Variants in RNLS observed in about 807,000 individuals in gnomAD.
RNLS encodes the protein renalase, FAD dependent amine oxidase.
Under a neutral mutation model 39.8 loss-of-function variants are expected in RNLS, and 39 were observed. The ratio of observed to expected loss-of-function variants is 0.98; its 90% CI spans 0.76 to 1.28. The LOEUF (loss-of-function observed/expected upper bound fraction) is 1.28, where lower values mean the gene tolerates loss of function less well. RNLS is among the 50% of genes most tolerant of loss of function. The pLI is 0.00. For synonymous variants in RNLS, 147 were observed against 150.7 expected, an observed-to-expected ratio of 0.98 and a Z score of 0.18; for missense variants, 410 against 413.3, an observed-to-expected ratio of 0.99 and a Z score of 0.07.
chr10:88,491,375 A>G (rs1038319401), intron 4 of RNLS, among the ~76,000 whole-genome samples: 1 of 152,148 alleles, frequency 6.6e-6, no homozygotes, highest in Admixed American at 6.6e-5. Flanking sequence ...GACCTGGTTC[A>G]TTGCCCGTAG....
the RNLS span, among the ~76,000 whole-genome samples, chr10:88,210,718 A>C: frequency 6.6e-6 from 1 of 152,258 alleles, no homozygotes; most frequent in Admixed American, 6.5e-5. Context: ...CTCGAATTCC[A>C]GTGGAGTTGA....
At chr10:88,221,361 A>G in the RNLS span, among the ~76,000 whole-genome samples, 1 of 152,202 alleles carries the variant, frequency 6.6e-6, no homozygotes, top group African/African-American at 2.4e-5. Flanking sequence ...TCCTTTTGAA[A>G]ATGAATGTAG....
the RNLS span, among the ~76,000 whole-genome samples, chr10:88,265,323 C>CTTTTTTTTTTTTT: frequency 3.4e-5 from 2 of 59,064 alleles, no homozygotes; most frequent in Non-Finnish European, 6.3e-5. Flanking sequence ...CAGGGTTTTT[C>CTTTTTTTTTTTTT]TTTTTTTTTT....
chr10:88,434,764 A>G (rs1855362180), intron 4 of RNLS, among the ~76,000 whole-genome samples: 1 of 152,180 alleles, frequency 6.6e-6, no homozygotes, highest in Non-Finnish European at 1.5e-5. Flanking sequence ...ATTCTTGGGT[A>G]CATTCTTTAA....
At chr10:88,341,077 A>AAAC (rs1299645933) in intron 5 of RNLS, among the ~76,000 whole-genome samples, 1 of 148,630 alleles carries the variant, frequency 6.7e-6, no homozygotes, top group Admixed American at 6.7e-5. Flanking sequence ...AAAAACAAAA[A>AAAC]ACAGCAATTT....
At chr10:88,393,052 A>G (rs571654253) in intron 4 of RNLS, among the ~76,000 whole-genome samples, 10 of 152,342 alleles carry the variant, frequency 6.6e-5, no homozygotes, top group African/African-American at 2.4e-4. Context: ...CAAAATAATA[A>G]GAGCTATTTA....
At chr10:88,207,647 G>A in the RNLS span, among the ~76,000 whole-genome samples, 1 of 152,126 alleles carries the variant, frequency 6.6e-6, no homozygotes, top group Non-Finnish European at 1.5e-5. Flanking sequence ...AAATCACAGG[G>A]CTCAAAAATT....
the RNLS span, among the ~76,000 whole-genome samples, chr10:88,189,794 A>G: frequency 6.6e-6 from 1 of 152,218 alleles, no homozygotes; most frequent in African/African-American, 2.4e-5. Flanking sequence ...CAGGCATGCA[A>G]TGCAGCGAAG....
intron 4 of RNLS, among the ~76,000 whole-genome samples, chr10:88,524,180 G>A (rs113725396): frequency 5.3e-5 from 8 of 151,944 alleles, no homozygotes; most frequent in African/African-American, 1.7e-4. Context: ...GCTATAGGCA[G>A]TGCCCCCTGA....
At chr10:88,203,263 T>TATGTATATATATATATATATATATATAC in the RNLS span, among the ~76,000 whole-genome samples, 1 of 13,378 alleles carries the variant, frequency 7.5e-5, no homozygotes, top group Non-Finnish European at 1.2e-4. Context: ...TGTGTGTGTG[T>TATGTATATATATATATATATATATATAC]GTATGTATAT....
chr10:88,572,721 T>C (rs1307374208), intron 4 of RNLS, among the ~76,000 whole-genome samples, 182 bp downstream of exon 4: 1 of 152,262 alleles, frequency 6.6e-6, no homozygotes, highest in Non-Finnish European at 1.5e-5. Context: ...TTTAAAAACA[T>C]TCTATGGGTT....
intron 4 of RNLS, among the ~76,000 whole-genome samples, chr10:88,540,257 T>A (rs1044405369): frequency 2.0e-5 from 3 of 152,100 alleles, no homozygotes; most frequent in Admixed American, 6.6e-5. Context: ...TATTCAGCTG[T>A]AAAAAAGTAA....
chr10:88,574,268 G>A (rs914618351), intron 3 of RNLS, among the ~76,000 whole-genome samples: 8 of 152,124 alleles, frequency 5.3e-5, no homozygotes, highest in Non-Finnish European at 7.3e-5. Context: ...TCAGCTTTGT[G>A]TATAGAAAAA....
chr10:88,582,126 C>T, intron 2 of RNLS, 76 bp downstream of exon 2: 1 of 1,135,300 alleles, frequency 8.8e-7, no homozygotes, highest in Non-Finnish European at 1.3e-6. Context: ...CATTTATCAG[C>T]TAATCTAATC....
At chr10:88,475,260 T>C (rs1843744870) in intron 4 of RNLS, among the ~76,000 whole-genome samples, 1 of 152,162 alleles carries the variant, frequency 6.6e-6, no homozygotes, top group African/African-American at 2.4e-5. Flanking sequence ...ACACTAAAAG[T>C]GATGGCCAGC....
intron 4 of RNLS, among the ~76,000 whole-genome samples, chr10:88,550,096 A>G (rs1315809443): frequency 6.6e-6 from 1 of 152,146 alleles, no homozygotes; most frequent in Non-Finnish European, 1.5e-5. Context: ...CCAGGAGAAA[A>G]GTCCTATCCA....
chr10:88,180,005 C>G, the RNLS span, among the ~76,000 whole-genome samples: 2 of 152,180 alleles, frequency 1.3e-5, no homozygotes, highest in Non-Finnish European at 2.9e-5. Context: ...TTGGCACCAA[C>G]AGAAATAACC....
At chr10:88,256,208 T>C in the RNLS span, among the ~76,000 whole-genome samples, 2 of 152,356 alleles carry the variant, frequency 1.3e-5, 1 homozygote, top group South Asian at 4.1e-4. Context: ...ACTCTTTCCC[T>C]TTACATAACA....
intron 4 of RNLS, among the ~76,000 whole-genome samples, chr10:88,443,672 G>A (rs994523179): frequency 5.9e-5 from 9 of 152,352 alleles, no homozygotes; most frequent in African/African-American, 1.4e-4. Flanking sequence ...ATTATATCCC[G>A]TGCATGGCTT....
Sources: allele counts gnomAD v4.1 joint callset (sites outside exome capture counted in the v4.1 genomes callset), GRCh38; gene constraint gnomAD v4.1.1; transcripts MANE v1.5; gene names NCBI Gene and HGNC (gene_info 2026-07-23, HGNC 2026-07-21).